Variants in SGCD observed in about 807,000 individuals in gnomAD.
SGCD encodes the protein sarcoglycan delta.
In SGCD, 18 loss-of-function variants were observed where a neutral mutation model predicts 36.6. That is an observed-to-expected ratio of 0.49 (90% CI 0.34 to 0.73). The LOEUF (loss-of-function observed/expected upper bound fraction) is 0.73, where lower values mean the gene tolerates loss of function less well. Ranked by LOEUF, SGCD falls within the 30% of genes least tolerant of loss-of-function variation. The probability of loss-of-function intolerance (pLI) is 0.01; values close to 1 mark genes in which losing one functional copy is unlikely to be tolerated. For synonymous variants in SGCD, 133 were observed against 130.6 expected (o/e 1.02, Z -0.12); for missense variants, 387 against 346.7 (o/e 1.12, Z -0.92).
At chr5:156,338,693 A>G (rs991202815) in intron 2 of SGCD, among the ~76,000 whole-genome samples, 2 of 152,026 alleles carry the variant, frequency 1.3e-5, no homozygotes, top group East Asian at 1.9e-4. Context: ...TCTCGGTGAC[A>G]ACTTCACAGT....
At chr5:155,750,607 T>G in the SGCD span, among the ~76,000 whole-genome samples, 1 of 152,250 alleles carries the variant, frequency 6.6e-6, no homozygotes, top group African/African-American at 2.4e-5. Flanking sequence ...AAATGGCAGT[T>G]TCCCAGAAGA....
intron 6 of SGCD, among the ~76,000 whole-genome samples, chr5:156,625,578 G>A (rs1464910377): frequency 6.6e-6 from 1 of 152,138 alleles, no homozygotes; most frequent in East Asian, 1.9e-4. Context: ...AGAGGTTAAT[G>A]AAAAGAATGA....
chr5:155,954,648 C>A (rs891433205), intron 1 of SGCD, among the ~76,000 whole-genome samples: 1 of 150,762 alleles, frequency 6.6e-6, no homozygotes, highest in Non-Finnish European at 1.5e-5. Flanking sequence ...ATAGAGGTAG[C>A]CCCAGGACCT....
At position 156,532,754 on chromosome 5, in the gene SGCD, T is replaced by A. The variant is rs532577555; in HGVS notation, c.294+24052T>A. On this transcript the variant is annotated intron_variant, in intron 4 of 8. Transcript: ENST00000337851. ...GGGATTATAGGCGTGAGCCACCAAG[T>A]CTGCCTATCTTGCTTATTTCTTATA... 2.3e-4 allele frequency among the ~76,000 whole-genome samples: 35 copies of A among 152,232 alleles called. No homozygotes were observed. In the East Asian group the frequency reaches 2.5e-3, roughly 11 times the overall value.
chr5:156,045,934 A>T (rs1388423028), intron 1 of SGCD, among the ~76,000 whole-genome samples: 1 of 151,986 alleles, frequency 6.6e-6, no homozygotes, highest in Non-Finnish European at 1.5e-5. Context: ...GGTCCTTAAA[A>T]CTCTGAATCT....
At chr5:155,746,225 T>C in the SGCD span, among the ~76,000 whole-genome samples, 1 of 151,964 alleles carries the variant, frequency 6.6e-6, no homozygotes, top group Non-Finnish European at 1.5e-5. Flanking sequence ...AATAAGTAAA[T>C]TATGGTATTG....
intron 4 of SGCD, among the ~76,000 whole-genome samples, chr5:156,559,064 A>G (rs1759165064): frequency 6.6e-6 from 1 of 152,192 alleles, no homozygotes; most frequent in South Asian, 2.1e-4. Context: ...CGCCAGCTCT[A>G]CTACTCACTG....
the SGCD span, among the ~76,000 whole-genome samples, chr5:155,827,121 G>A: frequency 6.6e-6 from 1 of 152,320 alleles, no homozygotes; most frequent in South Asian, 2.1e-4. Flanking sequence ...GGGATCTTCT[G>A]GGGACATGAG....
chr5:155,821,257 G>C, the SGCD span, among the ~76,000 whole-genome samples: 1 of 152,050 alleles, frequency 6.6e-6, no homozygotes, highest in Non-Finnish European at 1.5e-5. Context: ...TCTATTCTAA[G>C]TAAATAGTCA....
At chr5:156,752,553 C>T (rs536519074) in intron 7 of SGCD, among the ~76,000 whole-genome samples, 15 of 152,148 alleles carry the variant, frequency 9.9e-5, no homozygotes, top group South Asian at 4.1e-4. Flanking sequence ...CCACCACACC[C>T]GGCTAATTTT....
chr5:156,134,326 C>T (rs56324443), intron 3 of SGCD, among the ~76,000 whole-genome samples: 3,269 of 152,152 alleles, frequency 0.021, 56 homozygotes, highest in Admixed American at 0.041. Flanking sequence ...AAAACTATCC[C>T]GCTCCCCTGC....
At chr5:155,890,366 G>C (rs1051552866) in intron 1 of SGCD, among the ~76,000 whole-genome samples, 1 of 152,186 alleles carries the variant, frequency 6.6e-6, no homozygotes, top group Non-Finnish European at 1.5e-5. Flanking sequence ...GCTCATGGCT[G>C]TAATCCCAGC....
intron 6 of SGCD, among the ~76,000 whole-genome samples, chr5:156,635,150 A>G (rs1184815824): frequency 6.6e-6 from 1 of 152,110 alleles, no homozygotes; most frequent in Non-Finnish European, 1.5e-5. Context: ...CTTGAGTTCC[A>G]GAATTTGAGG....
chr5:156,141,759 C>T (rs1189503019), intron 3 of SGCD, among the ~76,000 whole-genome samples: 1 of 152,146 alleles, frequency 6.6e-6, no homozygotes, highest in East Asian at 1.9e-4. Flanking sequence ...ATTTCTATAT[C>T]CCTGTTGCAT....
At chr5:156,178,007 C>G (rs1763513533) in intron 3 of SGCD, among the ~76,000 whole-genome samples, 1 of 152,064 alleles carries the variant, frequency 6.6e-6, no homozygotes, top group African/African-American at 2.4e-5. Flanking sequence ...ATAGTTAAGC[C>G]TAATCTATAT....
At chr5:156,161,235 T>C (rs114598630) in intron 3 of SGCD, among the ~76,000 whole-genome samples, 1,534 of 151,888 alleles carry the variant, frequency 0.01, 69 homozygotes, top group African/African-American at 0.036. Flanking sequence ...TCGTCTATTT[T>C]ACTTTTGGGA....
chr5:155,768,830 G>A, the SGCD span, among the ~76,000 whole-genome samples: 16 of 152,172 alleles, frequency 1.1e-4, no homozygotes, highest in East Asian at 2.5e-3. Flanking sequence ...TCAGTGAAAG[G>A]GTATGTCCTC....
intron 6 of SGCD, among the ~76,000 whole-genome samples, chr5:156,623,121 C>T (rs527287770): frequency 3.3e-5 from 5 of 152,074 alleles, no homozygotes; most frequent in African/African-American, 1.2e-4. Context: ...TGTGTATACA[C>T]ATGTACATTA....
intron 3 of SGCD, among the ~76,000 whole-genome samples, chr5:156,306,875 A>C (rs954755911): frequency 6.6e-6 from 1 of 152,170 alleles, no homozygotes; most frequent in African/African-American, 2.4e-5. Context: ...ATTATTAGGC[A>C]CATAAATTTT....
Sources: gnomAD v4.1 joint callset for allele counts (sites outside exome capture counted in the v4.1 genomes callset) on GRCh38, gnomAD v4.1.1 for gene constraint, MANE v1.5 for transcripts, NCBI Gene and HGNC (gene_info 2026-07-23, HGNC 2026-07-21) for gene names.